ST6GAL2: variants seen among roughly 807,000 people sequenced by gnomAD.
ST6GAL2 encodes the protein beta-galactoside alpha-2,6-sialyltransferase 2.
In ST6GAL2, 24 loss-of-function variants were observed where a neutral mutation model predicts 37.5. The ratio of observed to expected loss-of-function variants is 0.64; its 90% CI spans 0.46 to 0.90. The LOEUF (loss-of-function observed/expected upper bound fraction) is 0.90. ST6GAL2 is among the 40% of genes least tolerant of loss of function. The probability of loss-of-function intolerance (pLI) is 0.00; values close to 1 mark genes in which losing one functional copy is unlikely to be tolerated. For synonymous variants in ST6GAL2, 306 were observed against 295.1 expected (o/e 1.04, Z -0.38); for missense variants, 715 against 712.7 (o/e 1.00, Z -0.04).
intron 5 of ST6GAL2, among the ~76,000 whole-genome samples, chr2:106,810,825 G>T (rs1193357170): frequency 6.6e-6 from 1 of 152,130 alleles, no homozygotes; most frequent in Non-Finnish European, 1.5e-5. Flanking sequence ...GGTGGCTCGT[G>T]CCTGTGGTCG....
At chr2:106,886,675 C>T (rs1174217020), upstream of ST6GAL2, 1 of 151,904 alleles carries the variant, frequency 6.6e-6, no homozygotes, top group African/African-American at 2.4e-5. Flanking sequence ...GCTCCGCTCG[C>T]CCCAGAGCCC....
At chr2:106,807,061 CT>C in intron 5 of ST6GAL2, 112 bp from the exon 6 acceptor site, 2 of 890,212 alleles carry the variant, frequency 2.2e-6, no homozygotes, top group Non-Finnish European at 3.4e-6. Context: ...GAGACACTTA[CT>C]TTTTTGTTGT....
At chr2:106,817,952 T>C (rs1302873253) in intron 5 of ST6GAL2, among the ~76,000 whole-genome samples, 4 of 152,218 alleles carry the variant, frequency 2.6e-5, no homozygotes, top group African/African-American at 9.6e-5. Flanking sequence ...ACTGTGAGCC[T>C]GGGCTAGTAG....
At chr2:106,876,592 C>T (rs1228706141) in intron 1 of ST6GAL2, among the ~76,000 whole-genome samples, 2 of 152,124 alleles carry the variant, frequency 1.3e-5, no homozygotes, top group African/African-American at 2.4e-5. Context: ...ATAGTGAGTA[C>T]CCATTGGGGG....
intron 1 of ST6GAL2, among the ~76,000 whole-genome samples, chr2:106,882,701 C>T (rs1573333688): frequency 6.6e-6 from 1 of 152,340 alleles, no homozygotes; most frequent in Non-Finnish European, 1.5e-5. Flanking sequence ...CTGGTCGCTG[C>T]AGAAGCACTG....
chr2:106,849,328 C>T (rs1677265588), intron 1 of ST6GAL2, among the ~76,000 whole-genome samples: 1 of 152,036 alleles, frequency 6.6e-6, no homozygotes, highest in African/African-American at 2.4e-5. Context: ...AGACAGGCCT[C>T]CATATATTCC....
intron 1 of ST6GAL2, among the ~76,000 whole-genome samples, chr2:106,876,823 C>T (rs1383970728): frequency 1.3e-5 from 2 of 152,172 alleles, no homozygotes; most frequent in Admixed American, 6.5e-5. Context: ...GATAGGGTAA[C>T]TGCATAAAAG....
At chr2:106,845,717 G>A (rs919124113) in intron 1 of ST6GAL2, among the ~76,000 whole-genome samples, 1 of 152,128 alleles carries the variant, frequency 6.6e-6, no homozygotes, top group African/African-American at 2.4e-5. Flanking sequence ...TTCCTTTTGT[G>A]GCTCTATGGC....
intron 1 of ST6GAL2, among the ~76,000 whole-genome samples, chr2:106,863,784 A>G (rs1203134239): frequency 1.3e-5 from 2 of 152,214 alleles, no homozygotes; most frequent in Non-Finnish European, 2.9e-5. Context: ...GACTGGGTAT[A>G]AAAGGTGATG....
intron 1 of ST6GAL2, among the ~76,000 whole-genome samples, chr2:106,849,265 A>G (rs1677263179): frequency 6.6e-6 from 1 of 152,096 alleles, no homozygotes; most frequent in South Asian, 2.1e-4. Flanking sequence ...GGCCAGATGG[A>G]CCCCAGAGAA....
intron 2 of ST6GAL2, among the ~76,000 whole-genome samples, chr2:106,840,441 A>G (rs1676832231): frequency 1.3e-5 from 2 of 152,220 alleles, no homozygotes; most frequent in South Asian, 4.1e-4. Context: ...ATACCAACTT[A>G]TACAAATGAA....
chr2:106,872,834 C>CTGT (rs1384050369), intron 1 of ST6GAL2, among the ~76,000 whole-genome samples: 1 of 152,076 alleles, frequency 6.6e-6, no homozygotes, highest in African/African-American at 2.4e-5. Flanking sequence ...TCATTACATC[C>CTGT]TGTGAAGTTC....
chr2:106,878,400 G>A (rs1165505641), intron 1 of ST6GAL2, among the ~76,000 whole-genome samples: 4 of 152,042 alleles, frequency 2.6e-5, no homozygotes, highest in Non-Finnish European at 4.4e-5. Context: ...AGAAATTGAC[G>A]CTGAGGTGAG....
At chr2:106,809,211 C>T (rs759715718) in intron 5 of ST6GAL2, among the ~76,000 whole-genome samples, 1 of 152,264 alleles carries the variant, frequency 6.6e-6, no homozygotes, top group Non-Finnish European at 1.5e-5. Flanking sequence ...ATGACATCTG[C>T]TCTGCCAGCT....
At chr2:106,865,334 T>C (rs1677978484) in intron 1 of ST6GAL2, among the ~76,000 whole-genome samples, 1 of 152,198 alleles carries the variant, frequency 6.6e-6, no homozygotes, top group Non-Finnish European at 1.5e-5. Flanking sequence ...TAGAGAGCTT[T>C]ATTTATGCAG....
rs137917911 is a variant in ST6GAL2 at position 106,872,639 on chromosome 2, C to T, written c.-58+13454G>A. Among the ~76,000 whole-genome samples the T allele has an allele frequency of 7.4e-3, 1,127 of 151,690 alleles. 16 individuals are homozygous for T. The highest frequency in any genetic ancestry group is 0.026 in the African/African-American group (1,058 of 41,310). On this transcript the variant is annotated intron_variant, in intron 1 of 5. Coordinates refer to ENST00000409382, the MANE Select transcript of ST6GAL2 (RefSeq NM_001142351.2). The stretch of plus-strand genomic sequence containing the variant: ...TTATTATTATTTTGAGATGGAGTTT[C>T]GCTCTCGTCACCCAGGGTGGAGTGC...
intron 1 of ST6GAL2, among the ~76,000 whole-genome samples, chr2:106,866,925 T>C (rs999919559): frequency 7.9e-5 from 12 of 152,320 alleles, no homozygotes; most frequent in African/African-American, 2.6e-4. Context: ...ACAAGTTAAA[T>C]GCTTTTAAAT....
chr2:106,843,376 C>A lies in ST6GAL2; in HGVS notation c.602G>T (p.Arg201Met). Reference sequence around the variant, plus strand: ...CTTCCAGAGCCGGTACAGGAAGGCCCTGGACATGGAGGAGTACAGCCTGTC... The same window carrying A: ...CTTCCAGAGCCGGTACAGGAAGGCCATGGACATGGAGGAGTACAGCCTGTC... ...DGDRLYSSMS[R>M]AFLYRLWKGN... The change falls in exon 2 of 6, where the codon AGG (arginine) becomes ATG (methionine). Residue 201 changes from arginine to methionine, a missense_variant. By Grantham distance (91) the Arg-to-Met change is moderately conservative. Coordinates refer to ENST00000409382, the MANE Select transcript of ST6GAL2 (RefSeq NM_001142351.2). The A allele has an allele frequency of 6.2e-7, 1 of 1,614,144 alleles. No homozygotes were observed. The highest frequency in any genetic ancestry group is 8.5e-7 in the Non-Finnish European group (1 of 1,180,028).
intron 5 of ST6GAL2, among the ~76,000 whole-genome samples, chr2:106,821,291 GA>G (rs1267440695): frequency 6.6e-6 from 1 of 151,240 alleles, no homozygotes; most frequent in African/African-American, 2.4e-5. Context: ...AGTTAGAGAT[GA>G]AAAAGGAGAC....
Sources: gnomAD v4.1 joint callset for allele counts (sites outside exome capture counted in the v4.1 genomes callset) on GRCh38, gnomAD v4.1.1 for gene constraint, MANE v1.5 for transcripts, NCBI Gene and HGNC (gene_info 2026-07-23, HGNC 2026-07-21) for gene names.